HOXA10: variants seen among roughly 807,000 people sequenced by gnomAD.
The protein encoded by HOXA10 is homeobox protein Hox-A10.
Under a neutral mutation model 29.7 loss-of-function variants are expected in HOXA10, and 12 were observed. That is an observed-to-expected ratio of 0.40 (90% CI 0.26 to 0.65). The LOEUF (loss-of-function observed/expected upper bound fraction) is 0.65, where lower values mean the gene tolerates loss of function less well. HOXA10 is among the 30% of genes least tolerant of loss of function. HOXA10 has a pLI of 0.37. For synonymous variants in HOXA10, 327 were observed against 280.7 expected, an observed-to-expected ratio of 1.16 and a Z score of -1.65; for missense variants, 656 against 585.9, an observed-to-expected ratio of 1.12 and a Z score of -1.24.
rs914085333 is a variant in HOXA10 at position 27,170,879 on chromosome 7, C to T, written c.*1020G>A. 2 of 454,302 alleles carry T rather than the reference C, an allele frequency of 4.4e-6. No individual in the cohort carries two copies. Among genetic ancestry groups the T allele is most frequent in the African/African-American group, 4.0e-5 (2 of 49,954 alleles). The allele number at this position is 454,302 out of a possible 1,614,324, so 28.1% of individuals were successfully genotyped here. A position where few individuals can be genotyped will look rare whatever the true frequency, so the allele number is the denominator to read the frequency against. On this transcript the variant is annotated 3_prime_UTR_variant, in exon 2 of 2. Transcript: ENST00000283921. The stretch of plus-strand genomic sequence containing the variant: ...TGTAACTTCACAGTATAAAGGAAAT[C>T]CAAACAATGTCTCCCTTCTCTAGTT...
chr7:27,177,387 C>G (rs1249869153), upstream of HOXA10, among the ~76,000 whole-genome samples: 1 of 152,192 alleles, frequency 6.6e-6, no homozygotes, highest in Non-Finnish European at 1.5e-5. Context: ...CCAGGACTGC[C>G]TTCCAACTCC....
chr7:27,179,676 G>A (rs1314390494), exon 1 of HOXA10: 1 of 778,410 alleles, frequency 1.3e-6, no homozygotes, highest in South Asian at 1.4e-5. Flanking sequence ...ACTGCCAAGG[G>A]ACAGCTGGCT....
Position 27,173,839 on chromosome 7 carries a change from C to G in HOXA10, c.468G>C (p.Ser156=). Residue 156 remains serine, a synonymous_variant, in exon 1 of 2, where the codon TCG becomes TCC. Transcript: ENST00000283921. The stretch of plus-strand genomic sequence containing the variant: ...CTTTGATGTTCTGCGCGAAAGAGCA[C>G]GAGGTGGCCTGCGGCGCTGGCTGGG... The part of the protein sequence containing the change: ...QPPQPAPQAT[S]CSFAQNIKEE... 2 of 1,610,074 alleles carry G rather than the reference C, an allele frequency of 1.2e-6. No individual in the cohort carries two copies. The highest frequency in any genetic ancestry group is 1.7e-6 in the Non-Finnish European group (2 of 1,178,290).
At chr7:27,174,650 G>C (rs1783615950), upstream of HOXA10, 1 of 361,802 alleles carries the variant, frequency 2.8e-6, no homozygotes, top group East Asian at 6.4e-5. Context: ...GCCCCGCGCA[G>C]TTAACAAGTG....
rs2115451998 is a variant in HOXA10 at position 27,173,473 on chromosome 7, C to G, written c.834G>C (p.Leu278=). ...RALDSPPPPT[L]ACGSGGGSQG... is the part of the protein sequence containing the mutation. ...GCGAGCCCCCGCCGCTGCCGCAAGC[C>G]AGCGTGGGGGGCGGCGGCGAATCGA... is the stretch of plus-strand genomic sequence containing the variant. The change falls in exon 1 of 2, where the codon CTG becomes CTC. Residue 278 remains leucine, a synonymous_variant. Coordinates refer to ENST00000283921, the MANE Select transcript of HOXA10 (RefSeq NM_018951.4). 1 of 1,573,876 alleles carries G rather than the reference C, an allele frequency of 6.4e-7. No individual in the cohort carries two copies. Among genetic ancestry groups the G allele is most frequent in the Admixed American group, 1.8e-5 (1 of 55,252 alleles).
At chr7:27,178,517 T>C (rs1409519099), upstream of HOXA10, among the ~76,000 whole-genome samples, 1 of 152,260 alleles carries the variant, frequency 6.6e-6, no homozygotes, top group African/African-American at 2.4e-5. Flanking sequence ...TATTCTTAGA[T>C]TTGTTCATAA....
rs910704782 is a variant in HOXA10, at chr7:27,173,813, T to A, written c.494A>T (p.Glu165Val). The change falls in exon 1 of 2, where the codon GAA becomes GTA. Residue 165 changes from glutamate to valine, a missense_variant. By Grantham distance (121) the Glu-to-Val change is moderately radical (BLOSUM62 -2). Transcript: ENST00000283921. ...GTCGTAGAGGCAGTAGGAGCTCTCTTCTTTGATGTTCTGCGCGAAAGAGCA... is the reference window on the plus strand; with the variant it reads ...GTCGTAGAGGCAGTAGGAGCTCTCTACTTTGATGTTCTGCGCGAAAGAGCA... ...TSCSFAQNIKEESSYCLYDSA... is the reference protein window; with the variant it reads ...TSCSFAQNIKVESSYCLYDSA... 1 of 1,611,168 alleles carries A rather than the reference T, an allele frequency of 6.2e-7. No individual in the cohort carries two copies. Among genetic ancestry groups the A allele is most frequent in the African/African-American group, 1.3e-5 (1 of 74,706 alleles).
Position 27,171,015 on chromosome 7 carries a change from G to A in HOXA10, c.*884C>T. 1 of 453,542 alleles carries A rather than the reference G, an allele frequency of 2.2e-6. No homozygotes were observed. Among genetic ancestry groups the A allele is most frequent in the South Asian group, 1.6e-5 (1 of 64,144 alleles). The allele number at this position is 453,542 out of a possible 1,614,324, so 28.1% of individuals were successfully genotyped here. A position where few individuals can be genotyped will look rare whatever the true frequency, so the allele number is the denominator to read the frequency against. On this transcript the variant is annotated 3_prime_UTR_variant, in exon 2 of 2. Coordinates refer to ENST00000283921, the MANE Select transcript of HOXA10 (RefSeq NM_018951.4). ...TTTAAAAAAACAACTTCACAAGATA[G>A]GGAGAATTGTGGTGTGCTTGTCACA...
Position 27,173,563 on chromosome 7 carries a change from G to T in HOXA10, c.744C>A (p.Arg248=). 6.8e-7 allele frequency: 1 copy of T among 1,461,818 alleles called. No individual in the cohort carries two copies. Among genetic ancestry groups the T allele is most frequent in the South Asian group, 1.4e-5 (1 of 72,124 alleles). The allele number at this position is 1,461,818 out of a possible 1,614,324, so 90.6% of individuals were successfully genotyped here. The change falls in exon 1 of 2, where the codon CGC becomes CGA. Residue 248 remains arginine, a synonymous_variant. Transcript: ENST00000283921. ...CTAGCGCGGGCGGGAGATCGAAACC[G>T]CGCCCCGGGGGCTGCGCGGGGAACG... ...AGPFPAQPPG[R]GFDLPPALAS...
chr7:27,171,848 G>C lies in HOXA10; in HGVS notation c.*51C>G, dbSNP rs1204942596. The C allele has an allele frequency of 6.3e-7, 1 of 1,597,256 alleles. No individual in the cohort carries two copies. The highest frequency in any genetic ancestry group is 8.6e-7 in the Non-Finnish European group (1 of 1,165,126). ...TCCTGGGCAGAGCCTGAAGACAGAG[G>C]GAGGGGACCAGCGCTCGGGAAGTGA... On this transcript the variant is annotated 3_prime_UTR_variant, in exon 2 of 2. Coordinates refer to ENST00000283921, the MANE Select transcript of HOXA10 (RefSeq NM_018951.4).
chr7:27,173,533 G>A lies in HOXA10; in HGVS notation c.774C>T (p.Ser258=). ...RGFDLPPALA[S]GSADAARKER... ...CCTTCCGGGCCGCATCGGCCGAGCC[G>A]GAGGCTAGCGCGGGCGGGAGATCGA... Residue 258 remains serine, a synonymous_variant, in exon 1 of 2, where the codon TCC becomes TCT. Coordinates refer to ENST00000283921, the MANE Select transcript of HOXA10 (RefSeq NM_018951.4). 2 of 1,455,386 alleles carry A rather than the reference G, an allele frequency of 1.4e-6. No individual in the cohort carries two copies. Among genetic ancestry groups the A allele is most frequent in the Non-Finnish European group, 1.8e-6 (2 of 1,112,618 alleles). 90.2% of individuals were successfully genotyped at this position (1,455,386 alleles called of 1,614,324 possible). A position where few individuals can be genotyped will look rare whatever the true frequency, so the allele number is the denominator to read the frequency against.
chr7:27,173,164 G>A (rs529901362), intron 1 of HOXA10, among the ~76,000 whole-genome samples, 185 bp downstream of exon 1: 4 of 152,372 alleles, frequency 2.6e-5, no homozygotes, highest in African/African-American at 9.6e-5. Flanking sequence ...GGGGCGCTAA[G>A]CCGGACATGA....
rs781375906 is a variant in HOXA10 at position 27,173,876 on chromosome 7, G to GGGGGCGGCGGCTGCTGCT, written c.413_430dup (p.Gln138_Pro143dup). 5.1e-6 allele frequency: 8 copies of GGGGGCGGCGGCTGCTGCT among 1,582,444 alleles called. No homozygotes were observed. Among genetic ancestry groups the GGGGGCGGCGGCTGCTGCT allele is most frequent in the East Asian group, 4.7e-5 (2 of 42,786 alleles). ...CGGCGCTGGCTGGGGTGGTTGCGGCGGGGGCGGCGGCTGCTGCTGGGGCGG... is the reference window on the plus strand; with the variant it reads ...CGGCGCTGGCTGGGGTGGTTGCGGCGGGGGCGGCGGCTGCTGCTGGGGCGGCGGCTGCTGCTGGGGCGG... On this transcript the variant is annotated inframe_insertion, in exon 1 of 2. Transcript: ENST00000283921.
At chr7:27,176,555 T>G (rs1425893707), upstream of HOXA10, among the ~76,000 whole-genome samples, 1 of 152,254 alleles carries the variant, frequency 6.6e-6, no homozygotes, top group Admixed American at 6.5e-5. Flanking sequence ...AAGGAAGCTT[T>G]GCTCTTCAGC....
rs764500401 is a variant in HOXA10 at position 27,173,432 on chromosome 7, G to T, written c.875C>A (p.Ala292Glu). The T allele has an allele frequency of 1.2e-5, 19 of 1,595,020 alleles. No individual in the cohort carries two copies. The highest frequency in any genetic ancestry group is 5.6e-5 in the South Asian group (5 of 89,294). ...CTCCGCGGCCGAGGACGACGCGTGC[G>T]CCTCCTCGTCGCCCTGCGAGCCCCC... ...SGGGSQGDEE[A>E]HASSSAAEEL... Residue 292 changes from alanine (A) to glutamate (E), a missense_variant, in exon 1 of 2, where the codon GCG becomes GAG. By Grantham distance (107) the Ala-to-Glu change is moderately radical (BLOSUM62 -1). Around this residue, in one of 2 missense-constraint regions of HOXA10, gnomAD observed 594 missense variants for 491.9 expected, o/e 1.21. Coordinates refer to ENST00000283921, the MANE Select transcript of HOXA10 (RefSeq NM_018951.4).
Position 27,171,285 on chromosome 7 carries a change from T to G in HOXA10, c.*614A>C, listed in dbSNP as rs1562509127. 2.2e-6 allele frequency: 1 copy of G among 454,194 alleles called. No individual in the cohort carries two copies. Among genetic ancestry groups the G allele is most frequent in the Admixed American group, 2.3e-5 (1 of 42,580 alleles). The allele number at this position is 454,194 out of a possible 1,614,324, so 28.1% of individuals were successfully genotyped here. On this transcript the variant is annotated 3_prime_UTR_variant, in exon 2 of 2. Coordinates refer to ENST00000283921, the MANE Select transcript of HOXA10 (RefSeq NM_018951.4). ...GAAGGAAAAATTAACCTTTTTTACT[T>G]TCTTTCTCACTTTTTAAATCAGCCA...
At position 27,174,208 on chromosome 7, in the gene HOXA10, C is replaced by A. The variant is rs202173149; in HGVS notation, c.99G>T (p.Ser33=). ...SPAANSFLVD[S]LISSGRGEAG... ...CCTCGCCTCTGCCCGAGCTGATGAGCGAGTCGACCAAAAAAGAGTTCGCGG... is the reference window on the plus strand; with the variant it reads ...CCTCGCCTCTGCCCGAGCTGATGAGAGAGTCGACCAAAAAAGAGTTCGCGG... The change falls in exon 1 of 2, where the codon TCG becomes TCT. Residue 33 remains serine, a synonymous_variant. Coordinates refer to ENST00000283921, the MANE Select transcript of HOXA10 (RefSeq NM_018951.4). 618 of 1,601,156 alleles carry A rather than the reference C, an allele frequency of 3.9e-4. No individual in the cohort carries two copies. The Middle Eastern group carries it at 5.6e-3, about 14-fold the overall frequency.
upstream of HOXA10, among the ~76,000 whole-genome samples, chr7:27,177,780 C>G (rs1183842581): frequency 1.3e-5 from 2 of 152,192 alleles, no homozygotes; most frequent in Non-Finnish European, 2.9e-5. Flanking sequence ...TTCTTCCCAG[C>G]TACTAAATTT....
In HOXA10 at chr7:27,173,939, C is replaced by G. The variant is rs756068183; in HGVS notation, c.368G>C (p.Arg123Pro). 1 of 1,524,862 alleles carries G rather than the reference C, an allele frequency of 6.6e-7. No homozygotes were observed. The highest frequency in any genetic ancestry group is 2.1e-5 in the Admixed American group (1 of 47,636). 94.5% of individuals were successfully genotyped at this position (1,524,862 alleles called of 1,614,324 possible). The change falls in exon 1 of 2, where the codon CGG becomes CCG. Residue 123 changes from arginine (R) to proline (P), a missense_variant. Arg to Pro is a moderately radical substitution (Grantham distance 103). Transcript: ENST00000283921. ...GTCAGGCGGCTCCATCCGGCAAGACCGGGGCGCGTCTAGCCACAGGTCTAT... is the reference window on the plus strand; with the variant it reads ...GTCAGGCGGCTCCATCCGGCAAGACGGGGGCGCGTCTAGCCACAGGTCTAT... The part of the protein sequence containing the change: ...SPIDLWLDAP[R>P]SCRMEPPDGP...
Sources: gnomAD v4.1 joint callset for allele counts (sites outside exome capture counted in the v4.1 genomes callset) on GRCh38, gnomAD v4.1.1 for gene constraint, gnomAD v4.1.1 regional missense constraint, MANE v1.5 for transcripts, NCBI Gene and HGNC (gene_info 2026-07-23, HGNC 2026-07-21) for gene names.